Variants in ADGRB3 observed in about 807,000 individuals in gnomAD.
ADGRB3 encodes the protein brain-specific angiogenesis inhibitor 3.
Under a neutral mutation model 193.4 loss-of-function variants are expected in ADGRB3, and 37 were observed. The observed-to-expected ratio is 0.19, with a 90% CI of 0.15 to 0.25. The LOEUF (loss-of-function observed/expected upper bound fraction) is 0.25, where lower values mean the gene tolerates loss of function less well. ADGRB3 is among the 10% of genes least tolerant of loss of function. The probability of loss-of-function intolerance (pLI) is 1.00; values close to 1 mark genes in which losing one functional copy is unlikely to be tolerated. For synonymous variants in ADGRB3, 690 were observed against 644.2 expected, an observed-to-expected ratio of 1.07 and a Z score of -1.08; for missense variants, 1,637 against 1,852.9, an observed-to-expected ratio of 0.88 and a Z score of 2.14.
rs572848432 is a variant in ADGRB3 at position 68,777,537 on chromosome 6, G to A, written c.757+138105G>A. On this transcript the variant is annotated intron_variant, in intron 3 of 31. Transcript: ENST00000370598. ...CAGGGATAAAAGGCACAGGTGTAAG[G>A]GAAAAATATCTTTGGACACATAGAA... Among the ~76,000 whole-genome samples, 98 of 151,676 alleles carry A rather than the reference G, an allele frequency of 6.5e-4. 1 individual carries two copies. The highest frequency in any genetic ancestry group is 3.2e-3 in the Middle Eastern group (1 of 316).
At chr6:69,097,295 C>G (rs754951863) in intron 17 of ADGRB3, among the ~76,000 whole-genome samples, 2 of 152,150 alleles carry the variant, frequency 1.3e-5, no homozygotes, top group Non-Finnish European at 2.9e-5. Flanking sequence ...GGCAATATTA[C>G]TAAATGAACA....
intron 3 of ADGRB3, 32 bp downstream of exon 3, chr6:68,639,464 G>A (rs1273945164): frequency 6.4e-7 from 1 of 1,552,476 alleles, no homozygotes; most frequent in Non-Finnish European, 8.7e-7. Context: ...AGGTGAGCGG[G>A]GGAGCACTTT....
intron 17 of ADGRB3, among the ~76,000 whole-genome samples, chr6:69,089,022 G>T (rs1772631278): frequency 3.3e-5 from 5 of 152,344 alleles, no homozygotes; most frequent in Admixed American, 3.3e-4. Context: ...GAGGTTTGCA[G>T]TTGTCTTGAA....
intron 17 of ADGRB3, among the ~76,000 whole-genome samples, chr6:69,100,963 G>GA (rs1773036150): frequency 3.5e-4 from 10 of 28,888 alleles, no homozygotes; most frequent in Non-Finnish European, 7.2e-4. Context: ...GGGAGGGAGG[G>GA]AGAAAGGGAA....
chr6:69,040,373 CTTTCCT>C (rs1562133266), intron 13 of ADGRB3, among the ~76,000 whole-genome samples: 1,268 of 55,908 alleles, frequency 0.023, 11 homozygotes, highest in South Asian at 0.044. Context: ...TTCTTTCTTT[CTTTCCT>C]TCTCTCTCTT....
intron 29 of ADGRB3, among the ~76,000 whole-genome samples, chr6:69,370,955 G>A (rs1170557647): frequency 6.6e-6 from 1 of 152,048 alleles, no homozygotes; most frequent in East Asian, 1.9e-4. Context: ...TAACAATAGT[G>A]GCGGGGAGAT....
chr6:68,661,520 C>T lies in ADGRB3; in HGVS notation c.757+22088C>T, dbSNP rs1287428858. Among the ~76,000 whole-genome samples the T allele has an allele frequency of 1.3e-4, 11 of 82,836 alleles. 1 individual carries two copies. The highest frequency in any genetic ancestry group is 1.8e-4 in the Non-Finnish European group (7 of 39,688). The allele number at this position is 82,836 out of a possible 152,430, so 54.3% of individuals were successfully genotyped here. On this transcript the variant is annotated intron_variant, in intron 3 of 31. Coordinates refer to ENST00000370598, the MANE Select transcript of ADGRB3 (RefSeq NM_001704.3). ...GTGTATACATATATATGTGTGTATACATATATATATGTGTATACATATATA... is the reference window on the plus strand; with the variant it reads ...GTGTATACATATATATGTGTGTATATATATATATATGTGTATACATATATA...
chr6:68,671,371 A>G (rs986562020), intron 3 of ADGRB3, among the ~76,000 whole-genome samples: 3 of 151,912 alleles, frequency 2.0e-5, no homozygotes, highest in Non-Finnish European at 4.4e-5. Flanking sequence ...TCCCCATTCA[A>G]TATGATACTA....
At chr6:69,068,203 A>G (rs1163098380) in intron 16 of ADGRB3, among the ~76,000 whole-genome samples, 4 of 152,160 alleles carry the variant, frequency 2.6e-5, no homozygotes, top group Admixed American at 1.3e-4. Flanking sequence ...CCCAGAATCT[A>G]TGACTGTGCT....
chr6:69,249,266 G>A (rs960281267), intron 20 of ADGRB3, among the ~76,000 whole-genome samples: 1 of 152,172 alleles, frequency 6.6e-6, no homozygotes, highest in Non-Finnish European at 1.5e-5. Flanking sequence ...ATGAGCCACG[G>A]CGCCCAGCTG....
chr6:68,647,341 C>A (rs1354767922), intron 3 of ADGRB3, among the ~76,000 whole-genome samples: 2 of 151,950 alleles, frequency 1.3e-5, no homozygotes, highest in African/African-American at 2.4e-5. Flanking sequence ...ATCTAGTACC[C>A]AACCCTTTAA....
At chr6:68,924,051 CA>C (rs1767115451) in intron 3 of ADGRB3, among the ~76,000 whole-genome samples, 1 of 151,970 alleles carries the variant, frequency 6.6e-6, no homozygotes. Flanking sequence ...AAAAAATATC[CA>C]ACTGCTAGTA....
intron 3 of ADGRB3, among the ~76,000 whole-genome samples, chr6:68,686,936 A>G (rs1482305083): frequency 6.6e-6 from 1 of 152,156 alleles, no homozygotes; most frequent in African/African-American, 2.4e-5. Flanking sequence ...GACAATCTAA[A>G]AAGCTATTAT....
intron 3 of ADGRB3, among the ~76,000 whole-genome samples, chr6:68,882,104 T>C (rs143369493): frequency 1.3e-5 from 2 of 152,298 alleles, no homozygotes; most frequent in African/African-American, 4.8e-5. Flanking sequence ...GATTTAGAAA[T>C]GTTACATTCC....
intron 3 of ADGRB3, among the ~76,000 whole-genome samples, chr6:68,902,742 C>T (rs999262437): frequency 6.6e-6 from 1 of 151,882 alleles, no homozygotes; most frequent in African/African-American, 2.4e-5. Context: ...GTATGATAAA[C>T]TGAAAAAAAG....
chr6:69,381,289 A>G (rs1335084654), intron 30 of ADGRB3, among the ~76,000 whole-genome samples: 1 of 151,788 alleles, frequency 6.6e-6, no homozygotes, highest in African/African-American at 2.4e-5. Flanking sequence ...TTCCCCCCCA[A>G]ACTGATGGGA....
chr6:68,883,566 A>G (rs576622866), intron 3 of ADGRB3, among the ~76,000 whole-genome samples: 2 of 152,318 alleles, frequency 1.3e-5, no homozygotes, highest in South Asian at 4.1e-4. Flanking sequence ...CAGCGAGACC[A>G]CGAACTCACT....
chr6:69,093,786 A>G (rs901520807), intron 17 of ADGRB3, among the ~76,000 whole-genome samples: 2 of 152,110 alleles, frequency 1.3e-5, no homozygotes, highest in African/African-American at 4.8e-5. Context: ...TGGGCAGCCC[A>G]AGTTCAGCAG....
chr6:68,703,654 G>A (rs1052245971), intron 3 of ADGRB3, among the ~76,000 whole-genome samples: 13 of 151,930 alleles, frequency 8.6e-5, no homozygotes, highest in East Asian at 1.9e-4. Context: ...ACAGAGTCTC[G>A]CTCTGTTGCC....
Sources: gnomAD v4.1 joint callset for allele counts (sites outside exome capture counted in the v4.1 genomes callset) on GRCh38, gnomAD v4.1.1 for gene constraint, MANE v1.5 for transcripts, NCBI Gene and HGNC (gene_info 2026-07-23, HGNC 2026-07-21) for gene names.